MICAL2: variants seen among roughly 807,000 people sequenced by gnomAD.
MICAL2 encodes the protein microtubule associated monooxygenase, calponin and LIM domain containing 2, also known as [F-actin]-monooxygenase MICAL2.
Under a neutral mutation model 127.3 loss-of-function variants are expected in MICAL2, and 77 were observed. The observed-to-expected ratio is 0.60, with a 90% CI of 0.50 to 0.73. MICAL2 has a LOEUF of 0.73. MICAL2 is among the 30% of genes least tolerant of loss of function. MICAL2 has a pLI of 0.00. For missense variants in MICAL2, 1,351 were observed against 1,434.4 expected, an observed-to-expected ratio of 0.94 and a Z score of 0.94; for synonymous variants, 570 against 551.1, an observed-to-expected ratio of 1.03 and a Z score of -0.48.
chr11:12,117,888 C>T (rs754642582), intron 1 of MICAL2, among the ~76,000 whole-genome samples: 9 of 152,238 alleles, frequency 5.9e-5, no homozygotes, highest in African/African-American at 1.9e-4. Flanking sequence ...GGATTTCCAA[C>T]CTCTTTCCAG....
intron 1 of MICAL2, among the ~76,000 whole-genome samples, chr11:12,277,895 G>A (rs1431051886): frequency 3.3e-5 from 5 of 152,186 alleles, no homozygotes; most frequent in Non-Finnish European, 5.9e-5. Context: ...CTACAGACCT[G>A]CACATTGTGT....
intron 8 of MICAL2, among the ~76,000 whole-genome samples, chr11:12,218,574 C>T (rs1325601393): frequency 1.3e-5 from 2 of 152,210 alleles, no homozygotes; most frequent in African/African-American, 4.8e-5. Flanking sequence ...TCTCCCTTCT[C>T]TCTTCCCCCA....
At position 12,236,265 on chromosome 11, in the gene MICAL2, C is replaced by T; in HGVS notation, c.2064+20C>T. On this transcript the variant is annotated intron_variant, in intron 16 of 27. Coordinates refer to ENST00000683283, the MANE Select transcript of MICAL2 (RefSeq NM_001282663.2). ...GACGAGGTTTGTGTACACAGTGTGGCTTTAAACAGAGGCTCGTTTCCTGAC... is the reference window on the plus strand; with the variant it reads ...GACGAGGTTTGTGTACACAGTGTGGTTTTAAACAGAGGCTCGTTTCCTGAC... 6.2e-7 allele frequency: 1 copy of T among 1,612,152 alleles called. No individual in the cohort carries two copies. The highest frequency in any genetic ancestry group is 8.5e-7 in the Non-Finnish European group (1 of 1,178,206).
At chr11:12,169,164 G>A (rs1565086602) in intron 3 of MICAL2, among the ~76,000 whole-genome samples, 1 of 151,902 alleles carries the variant, frequency 6.6e-6, no homozygotes, top group Non-Finnish European at 1.5e-5. Flanking sequence ...CTGCATGTTT[G>A]TGGATGTGTG....
chr11:12,349,981 G>A (rs144001138), intron 33 of MICAL2: 1,124 of 1,538,988 alleles, frequency 7.3e-4, no homozygotes, highest in Middle Eastern at 4.8e-3. Context: ...AAAAGCAAAG[G>A]GGCAAAGGGG....
At chr11:12,316,171 T>G (rs1405255910) in intron 29 of MICAL2, among the ~76,000 whole-genome samples, 1 of 152,022 alleles carries the variant, frequency 6.6e-6, no homozygotes, top group Non-Finnish European at 1.5e-5. Context: ...TAAAATGAAT[T>G]TATTATAGAC....
intron 2 of MICAL2, among the ~76,000 whole-genome samples, chr11:12,141,026 G>A (rs1238526800): frequency 6.6e-6 from 1 of 152,192 alleles, no homozygotes; most frequent in East Asian, 1.9e-4. Context: ...GAAACAACAA[G>A]AAAACCATGT....
At chr11:12,148,918 A>G (rs1411855532) in intron 2 of MICAL2, among the ~76,000 whole-genome samples, 1 of 152,230 alleles carries the variant, frequency 6.6e-6, no homozygotes, top group South Asian at 2.1e-4. Context: ...CCAAGGGGTC[A>G]GGACTGTTAT....
chr11:12,199,585 C>A (rs1185518481), intron 3 of MICAL2, among the ~76,000 whole-genome samples: 1 of 152,124 alleles, frequency 6.6e-6, no homozygotes, highest in Admixed American at 6.5e-5. Flanking sequence ...GCACACTTGC[C>A]CACTTGTAGG....
intron 2 of MICAL2, among the ~76,000 whole-genome samples, chr11:12,140,327 C>A (rs1004775704): frequency 6.6e-6 from 1 of 152,160 alleles, no homozygotes; most frequent in Non-Finnish European, 1.5e-5. Flanking sequence ...CAGGCGGTAG[C>A]CTGCCCAAGG....
downstream of MICAL2, among the ~76,000 whole-genome samples, chr11:12,296,787 A>G (rs1036736714): frequency 1.3e-5 from 2 of 151,706 alleles, no homozygotes; most frequent in African/African-American, 4.8e-5. Flanking sequence ...TCTTTTTTTA[A>G]CACAAATGAT....
chr11:12,216,711 C>A (rs530645241), intron 8 of MICAL2, among the ~76,000 whole-genome samples: 1 of 152,122 alleles, frequency 6.6e-6, no homozygotes, highest in African/African-American at 2.4e-5. Flanking sequence ...TGCTGTGGAG[C>A]CTTGTCACAG....
chr11:12,293,956 G>T (rs191313443), downstream of MICAL2: 309 of 1,613,976 alleles, frequency 1.9e-4, 3 homozygotes, highest in South Asian at 2.8e-3. Flanking sequence ...TAAAGGAGAA[G>T]TTGGGCCTGA....
At chr11:12,155,067 C>T (rs750986406) in intron 2 of MICAL2, among the ~76,000 whole-genome samples, 8 of 152,110 alleles carry the variant, frequency 5.3e-5, no homozygotes, top group South Asian at 2.1e-4. Flanking sequence ...TGTGAGTGCC[C>T]GCTGTCAGTG....
chr11:12,139,770 G>A (rs1852173848), intron 2 of MICAL2, among the ~76,000 whole-genome samples: 2 of 152,240 alleles, frequency 1.3e-5, no homozygotes, highest in African/African-American at 4.8e-5. Flanking sequence ...AGGAGGGTCA[G>A]GCAATGAACA....
At chr11:12,156,962 G>A (rs1854259171) in intron 2 of MICAL2, among the ~76,000 whole-genome samples, 1 of 152,268 alleles carries the variant, frequency 6.6e-6, no homozygotes, top group Non-Finnish European at 1.5e-5. Context: ...AGAGCTGGGA[G>A]AGGGTAAGTT....
rs548904270 is a variant in MICAL2, at chr11:12,150,114, T to C, written c.-78+11654T>C. ...CACATTGCAAGGCTGGACTATTCAT[T>C]TGGAAACCTAGGCTGTGAGGGGAAG... On this transcript the variant is annotated intron_variant, in intron 2 of 27. Coordinates refer to ENST00000683283, the MANE Select transcript of MICAL2 (RefSeq NM_001282663.2). 2.3e-4 allele frequency among the ~76,000 whole-genome samples: 35 copies of C among 152,220 alleles called. No homozygotes were observed. In the East Asian group the frequency reaches 6.8e-3, roughly 29 times the overall value.
rs561019362 is a variant in MICAL2 at position 12,253,331 on chromosome 11, C to T, written c.2848-2312C>T. 13 of 152,484 alleles carry T rather than the reference C, an allele frequency of 8.5e-5. 1 individual carries two copies. The East Asian group carries it at 1.2e-3, about 14-fold the overall frequency. The allele number at this position is 152,484 out of a possible 1,614,324, so 9.4% of individuals were successfully genotyped here. A position where few individuals can be genotyped will look rare whatever the true frequency, so the allele number is the denominator to read the frequency against. On this transcript the variant is annotated intron_variant, in intron 22 of 27. Transcript: ENST00000683283. ...CTGTCTCCAAGCCGACCTTGCCTGG[C>T]GCTAGCTCTGGAGCCTGCTGCAGTC...
chr11:12,156,529 G>A (rs1414695356), intron 2 of MICAL2, among the ~76,000 whole-genome samples: 2 of 152,170 alleles, frequency 1.3e-5, no homozygotes, highest in Non-Finnish European at 2.9e-5. Flanking sequence ...GCCAGGCTGG[G>A]GACACCTGGA....
Sources: allele counts gnomAD v4.1 joint callset (sites outside exome capture counted in the v4.1 genomes callset), GRCh38; gene constraint gnomAD v4.1.1; transcripts MANE v1.5; gene names NCBI Gene and HGNC (gene_info 2026-07-23, HGNC 2026-07-21).